Variants in PRKAG2 observed in about 807,000 individuals in gnomAD.
PRKAG2 encodes the protein protein kinase AMP-activated non-catalytic subunit gamma 2.
Under a neutral mutation model 69.6 loss-of-function variants are expected in PRKAG2, and 26 were observed. That is an observed-to-expected ratio of 0.37 (90% CI 0.27 to 0.52). The LOEUF (loss-of-function observed/expected upper bound fraction) is 0.52. Among genes scored for constraint, PRKAG2 ranks in the 20% least tolerant of loss-of-function variants. The pLI, the probability that PRKAG2 is intolerant of heterozygous loss-of-function variation, is 0.90. For synonymous variants in PRKAG2, 293 were observed against 285.0 expected, an observed-to-expected ratio of 1.03 and a Z score of -0.28; for missense variants, 557 against 740.0, an observed-to-expected ratio of 0.75 and a Z score of 2.87.
intron 5 of PRKAG2, among the ~76,000 whole-genome samples, chr7:151,630,441 C>T (rs1824137906): frequency 6.6e-6 from 1 of 152,188 alleles, no homozygotes; most frequent in African/African-American, 2.4e-5. Context: ...ATGAAGTACT[C>T]ACTATGGGTT....
At position 151,557,161 on chromosome 7, in the gene PRKAG2, T is replaced by G; in HGVS notation, c.*40A>C. ...GAGGCAAAACGTGACCCAGAGACTT[T>G]GTTCAAGTTCTCCTCCTAGGGCGTC... On this transcript the variant is annotated 3_prime_UTR_variant, in exon 16 of 16. Transcript: ENST00000287878. The G allele has an allele frequency of 1.9e-6, 3 of 1,614,130 alleles. No homozygotes were observed. The highest frequency in any genetic ancestry group is 2.5e-6 in the Non-Finnish European group (3 of 1,179,990).
intron 3 of PRKAG2, among the ~76,000 whole-genome samples, chr7:151,713,571 G>A (rs77757940): frequency 0.018 from 2,642 of 148,798 alleles, 80 homozygotes; most frequent in African/African-American, 0.063. Flanking sequence ...TGAGGATGGT[G>A]TTTTTGCTTT....
chr7:151,663,625 G>T (rs754198746), intron 4 of PRKAG2, among the ~76,000 whole-genome samples: 14 of 152,178 alleles, frequency 9.2e-5, no homozygotes, highest in Non-Finnish European at 1.9e-4. Context: ...CTCCTAGACC[G>T]CTGGGATTAC....
At chr7:151,558,191 TGAGAAA>T in intron 15 of PRKAG2, 1 of 985,444 alleles carries the variant, frequency 1.0e-6, no homozygotes, top group Non-Finnish European at 1.2e-6. Flanking sequence ...AAAACTTTTT[TGAGAAA>T]GAGAAAGTGT....
chr7:151,650,774 TAAG>T (rs1828366478), intron 4 of PRKAG2, among the ~76,000 whole-genome samples: 1 of 152,208 alleles, frequency 6.6e-6, no homozygotes, highest in African/African-American at 2.4e-5. Context: ...CAGTGTCACT[TAAG>T]AAGGTCTTTG....
rs148364098 is a variant in PRKAG2, at chr7:151,798,137, G to A, written c.115-11596C>T. ...CTCCTGCCTCAGCCTCTGAGTAGCT[G>A]AGATTACAGGCGCCCGCCACCACGC... On this transcript the variant is annotated intron_variant, in intron 1 of 15. Transcript: ENST00000287878. Among the ~76,000 whole-genome samples, 777 of 151,282 alleles carry A rather than the reference G, an allele frequency of 5.1e-3. 2 individuals carry two copies. The highest frequency in any genetic ancestry group is 0.017 in the African/African-American group (707 of 41,136).
intron 3 of PRKAG2, among the ~76,000 whole-genome samples, chr7:151,720,441 T>C (rs1235608920): frequency 6.6e-6 from 1 of 151,892 alleles, no homozygotes; most frequent in Non-Finnish European, 1.5e-5. Context: ...ATTAAATCTC[T>C]GTGGGTGTAA....
At chr7:151,673,967 G>A (rs546196787) in intron 4 of PRKAG2, among the ~76,000 whole-genome samples, 18 of 150,484 alleles carry the variant, frequency 1.2e-4, no homozygotes, top group African/African-American at 4.4e-4. Context: ...TCAGTCTCCT[G>A]ACTAGTTGGG....
chr7:151,745,094 T>G (rs2074190527), intron 3 of PRKAG2, among the ~76,000 whole-genome samples: 1 of 152,152 alleles, frequency 6.6e-6, no homozygotes, highest in Admixed American at 6.5e-5. Context: ...CCAGGCTGCC[T>G]CTGCTCCATG....
chr7:151,834,224 G>T (rs1028790313), intron 1 of PRKAG2, among the ~76,000 whole-genome samples: 4 of 152,190 alleles, frequency 2.6e-5, no homozygotes, highest in African/African-American at 4.8e-5. Context: ...ACAGAATTTG[G>T]TGATCATGAT....
chr7:151,813,386 G>C (rs527814849), intron 1 of PRKAG2, among the ~76,000 whole-genome samples: 1 of 151,752 alleles, frequency 6.6e-6, no homozygotes, highest in Non-Finnish European at 1.5e-5. Flanking sequence ...CCCAGGAGGG[G>C]GGTCAAGCGA....
At chr7:151,694,037 A>G (rs1328053785) in intron 3 of PRKAG2, among the ~76,000 whole-genome samples, 2 of 152,094 alleles carry the variant, frequency 1.3e-5, no homozygotes, top group African/African-American at 4.8e-5. Context: ...ACACCCAGCT[A>G]ATTTTTTTCT....
intron 3 of PRKAG2, among the ~76,000 whole-genome samples, chr7:151,701,405 A>C (rs148379261): frequency 2.6e-5 from 4 of 152,338 alleles, no homozygotes; most frequent in Admixed American, 2.6e-4. Context: ...GGGTCATTGC[A>C]GATATAATCA....
rs78256949 is a variant in PRKAG2 at position 151,716,608 on chromosome 7, G to T, written c.467-40971C>A. Among the ~76,000 whole-genome samples, 3 of 151,938 alleles carry T rather than the reference G, an allele frequency of 2.0e-5. No homozygotes were observed. In the East Asian group the frequency reaches 5.8e-4, roughly 29 times the overall value. On this transcript the variant is annotated intron_variant, in intron 3 of 15. Transcript: ENST00000287878. ...TGCATAATAATCCCTTAGGAAGGAG[G>T]GTATGGGACACTGTTGCCCCATTCT...
At chr7:151,793,285 C>A (rs6972910) in intron 1 of PRKAG2, among the ~76,000 whole-genome samples, 24 of 152,168 alleles carry the variant, frequency 1.6e-4, no homozygotes, top group African/African-American at 5.3e-4. Flanking sequence ...CGTGCACCGC[C>A]GGGGAAGGAA....
chr7:151,635,161 G>C (rs1825529341), intron 4 of PRKAG2, among the ~76,000 whole-genome samples: 1 of 152,082 alleles, frequency 6.6e-6, no homozygotes, highest in Admixed American at 6.5e-5. Flanking sequence ...ATATTGGTCA[G>C]GCTGGTCTTG....
chr7:151,680,991 A>C (rs1241493659), intron 3 of PRKAG2, among the ~76,000 whole-genome samples: 3 of 152,204 alleles, frequency 2.0e-5, no homozygotes, highest in African/African-American at 4.8e-5. Flanking sequence ...TGGGTACAGA[A>C]CGTTCATCTT....
intron 3 of PRKAG2, among the ~76,000 whole-genome samples, chr7:151,687,174 A>G (rs1323990037): frequency 2.0e-5 from 3 of 152,214 alleles, no homozygotes; most frequent in Admixed American, 1.3e-4. Context: ...AACTCTGACA[A>G]TGTGGTCCCA....
At chr7:151,709,498 CTG>C (rs1362558204) in intron 3 of PRKAG2, among the ~76,000 whole-genome samples, 1 of 151,994 alleles carries the variant, frequency 6.6e-6, no homozygotes, top group Non-Finnish European at 1.5e-5. Context: ...CATTATGTGT[CTG>C]TGACATGAGA....
Sources: gnomAD v4.1 joint callset for allele counts (sites outside exome capture counted in the v4.1 genomes callset) on GRCh38, gnomAD v4.1.1 for gene constraint, MANE v1.5 for transcripts, NCBI Gene and HGNC (gene_info 2026-07-23, HGNC 2026-07-21) for gene names.